The following RNASEH1 variants were observed in gnomAD, a reference collection of about 807,000 sequenced individuals.
The protein encoded by RNASEH1 is ribonuclease H type II.
In RNASEH1, 27 loss-of-function variants were observed where a neutral mutation model predicts 34.6. The observed-to-expected ratio is 0.78, with a 90% CI of 0.58 to 1.08. The LOEUF is 1.08. RNASEH1 is among the 50% of genes least tolerant of loss of function. The pLI, the probability that RNASEH1 is intolerant of heterozygous loss-of-function variation, is 0.00. For missense variants in RNASEH1, 349 were observed against 373.6 expected, an observed-to-expected ratio of 0.93 and a Z score of 0.54; for synonymous variants, 162 against 138.4, an observed-to-expected ratio of 1.17 and a Z score of -1.20.
chr2:3,541,263 A>G (rs1483446949), downstream of RNASEH1, among the ~76,000 whole-genome samples: 1 of 151,558 alleles, frequency 6.6e-6, no homozygotes, highest in East Asian at 1.9e-4. Flanking sequence ...CGGGAGGCAG[A>G]GCTTACAGTG....
chr2:3,532,439 C>T, the RNASEH1 span: 9 of 685,856 alleles, frequency 1.3e-5, no homozygotes, highest in East Asian at 2.4e-4. Flanking sequence ...CCCAAGGGGC[C>T]CCGTTACTCA....
At position 3,544,454 on chromosome 2, in the gene RNASEH1, A is replaced by G. The variant is rs567210320; in HGVS notation, c.*1331T>C. Among the ~76,000 whole-genome samples the G allele has an allele frequency of 2.6e-5, 4 of 152,342 alleles. No individual in the cohort carries two copies. The South Asian group carries it at 8.3e-4, about 32-fold the overall frequency. ...CGACGGGACTGCAAATGGACACTGA[A>G]GTAGATAAAAAAATAAACAAAAAAA... On this transcript the variant is annotated 3_prime_UTR_variant, in exon 8 of 8. Transcript: ENST00000315212.
intron 1 of RNASEH1, 44 bp downstream of exon 1, chr2:3,558,089 C>A: frequency 6.4e-7 from 1 of 1,553,994 alleles, no homozygotes. Flanking sequence ...CCTCCCTCGA[C>A]CCCGATGCCG....
downstream of RNASEH1, among the ~76,000 whole-genome samples, chr2:3,539,813 G>A (rs1050796974): frequency 6.6e-6 from 1 of 152,172 alleles, no homozygotes; most frequent in African/African-American, 2.4e-5. Flanking sequence ...CTCCTTTTCA[G>A]CCACAGCATC....
chr2:3,546,409 T>C (rs1022196607), intron 7 of RNASEH1, among the ~76,000 whole-genome samples: 1 of 152,238 alleles, frequency 6.6e-6, no homozygotes, highest in African/African-American at 2.4e-5. Flanking sequence ...TTAATAAACA[T>C]GATCTATGAT....
Position 3,547,979 on chromosome 2 carries a change from C to T in RNASEH1, c.726G>A (p.Glu242=). 1.9e-6 allele frequency: 3 copies of T among 1,613,028 alleles called. No homozygotes were observed. The highest frequency in any genetic ancestry group is 1.7e-6 in the Non-Finnish European group (2 of 1,179,056). Reference sequence around the variant, plus strand: ...TAAGCCTCTCCAGTGCCACAAAGTCCTCTTTGTTGATCACCTCTTTCCCTG... The same window carrying T: ...TAAGCCTCTCCAGTGCCACAAAGTCTTCTTTGTTGATCACCTCTTTCCCTG... ...TSAGKEVINK[E]DFVALERLTQ... Residue 242 remains glutamate (E), a synonymous_variant, in exon 7 of 8, where the codon GAG becomes GAA. Coordinates refer to ENST00000315212, the MANE Select transcript of RNASEH1 (RefSeq NM_002936.6).
At chr2:3,539,390 A>G (rs1668167817), downstream of RNASEH1, among the ~76,000 whole-genome samples, 1 of 152,188 alleles carries the variant, frequency 6.6e-6, no homozygotes, top group Non-Finnish European at 1.5e-5. Context: ...CCGTATCACC[A>G]AAGAATCTTA....
intron 2 of RNASEH1, among the ~76,000 whole-genome samples, chr2:3,553,359 G>A (rs759555870): frequency 1.3e-5 from 2 of 151,780 alleles, no homozygotes; most frequent in Non-Finnish European, 2.9e-5. Flanking sequence ...CTGCAACGAA[G>A]TTTTTCTTCA....
chr2:3,543,389 C>G lies in RNASEH1; in HGVS notation c.*2396G>C, dbSNP rs554579450. On this transcript the variant is annotated 3_prime_UTR_variant, in exon 8 of 8. Transcript: ENST00000315212. Reference sequence around the variant, plus strand: ...TTAAGACAGGTTTGGAGCAGAAGCTCTATAAATTGGGCCTAGAGCATCTTG... The same window carrying G: ...TTAAGACAGGTTTGGAGCAGAAGCTGTATAAATTGGGCCTAGAGCATCTTG... 2.5e-4 allele frequency among the ~76,000 whole-genome samples: 38 copies of G among 152,298 alleles called. No homozygotes were observed. Among genetic ancestry groups the G allele is most frequent in the African/African-American group, 8.9e-4 (37 of 41,562 alleles).
chr2:3,546,605 C>T (rs372279184), intron 7 of RNASEH1, among the ~76,000 whole-genome samples: 3 of 152,080 alleles, frequency 2.0e-5, no homozygotes, highest in Non-Finnish European at 4.4e-5. Flanking sequence ...GGTGTTACTT[C>T]GTGTTCTTAA....
In RNASEH1 at chr2:3,548,728, G is replaced by A. The variant is rs1668997636; in HGVS notation, c.565-4C>T. 3 of 1,606,930 alleles carry A rather than the reference G, an allele frequency of 1.9e-6. No individual in the cohort carries two copies. Among genetic ancestry groups the A allele is most frequent in the Non-Finnish European group, 2.6e-6 (3 of 1,174,040 alleles). ...GTTCAATGGCTTTGCAGGCTGCCTT[G>A]AAAAGACAAGTCGATAGTCATGCTA... On this transcript the variant is annotated splice_region_variant and splice_polypyrimidine_tract_variant and intron_variant, in intron 5 of 7. Transcript: ENST00000315212.
At chr2:3,549,272 G>A (rs962035062) in intron 4 of RNASEH1, among the ~76,000 whole-genome samples, 160 bp from the exon 5 acceptor site, 23 of 152,200 alleles carry the variant, frequency 1.5e-4, no homozygotes, top group African/African-American at 5.3e-4. Flanking sequence ...GCAGCACACA[G>A]GTTTCCACAC....
intron 1 of RNASEH1, 30 bp from the exon 2 acceptor site, chr2:3,556,934 C>T (rs375341338): frequency 2.0e-6 from 3 of 1,477,518 alleles, no homozygotes; most frequent in East Asian, 2.3e-5. Context: ...TTATTTCCTT[C>T]TTCCTTCTCT....
intron 7 of RNASEH1, 75 bp from the exon 8 acceptor site, chr2:3,545,946 A>G: frequency 1.8e-6 from 2 of 1,098,180 alleles, no homozygotes. Context: ...TGTCATCATA[A>G]AAAACCATTC....
chr2:3,556,788 C>G lies in RNASEH1; in HGVS notation c.244+1G>C. On this transcript the variant is annotated splice_donor_variant, in intron 2 of 7. Coordinates refer to ENST00000315212, the MANE Select transcript of RNASEH1 (RefSeq NM_002936.6). LOFTEE classifies it high-confidence loss of function. ...GTCACACTGATATGAGAGGTGACTA[C>G]CTTCTGAAACTTCCGGGCTTGCAGA... is the stretch of plus-strand genomic sequence containing the variant. The G allele has an allele frequency of 6.2e-7, 1 of 1,604,136 alleles. No homozygotes were observed. Among genetic ancestry groups the G allele is most frequent in the East Asian group, 2.2e-5 (1 of 44,834 alleles).
intron 3 of RNASEH1, among the ~76,000 whole-genome samples, chr2:3,551,179 C>T (rs1659856698): frequency 6.6e-6 from 1 of 152,264 alleles, no homozygotes. Context: ...GGACGGCAGA[C>T]TGAGCTCAGC....
intron 1 of RNASEH1, 133 bp from the exon 2 acceptor site, chr2:3,557,037 C>G (rs1287939334): frequency 1.5e-6 from 1 of 650,024 alleles, no homozygotes; most frequent in Admixed American, 2.6e-5. Context: ...GTCCTCCACC[C>G]CATCACAGAT....
rs766429765 is a variant in RNASEH1, at chr2:3,541,446, CTTTA to C, written c.*4335_*4338del. On this transcript the variant is annotated 3_prime_UTR_variant, in exon 8 of 8. Transcript: ENST00000315212. The stretch of plus-strand genomic sequence containing the variant: ...ACGAGGATATAAATGTTCACGGCAG[CTTTA>C]TTTGCTTTATTTTTATTTAGAAATT... Among the ~76,000 whole-genome samples, 2 of 152,096 alleles carry C rather than the reference CTTTA, an allele frequency of 1.3e-5. No homozygotes were observed. Among genetic ancestry groups the C allele is most frequent in the South Asian group, 4.1e-4 (2 of 4,824 alleles).
At chr2:3,557,201 T>C (rs922259097) in intron 1 of RNASEH1, among the ~76,000 whole-genome samples, 6 of 152,342 alleles carry the variant, frequency 3.9e-5, no homozygotes, top group African/African-American at 1.4e-4. Flanking sequence ...ATTTTAAAAC[T>C]GTATTCTATT....
Sources: gnomAD v4.1 joint callset for allele counts (sites outside exome capture counted in the v4.1 genomes callset) on GRCh38, gnomAD v4.1.1 for gene constraint, MANE v1.5 for transcripts, NCBI Gene and HGNC (gene_info 2026-07-23, HGNC 2026-07-21) for gene names.